The following SRGAP1 variants were observed in gnomAD, a reference collection of about 807,000 sequenced individuals.
SRGAP1 encodes the protein SLIT-ROBO Rho GTPase-activating protein 1.
A neutral mutation model predicts 121.9 loss-of-function variants in SRGAP1; 43 were observed. The observed-to-expected ratio is 0.35, with a 90% CI of 0.28 to 0.46. The LOEUF (loss-of-function observed/expected upper bound fraction) is 0.46, where lower values mean the gene tolerates loss of function less well. SRGAP1 is among the 20% of genes least tolerant of loss of function. The pLI is 1.00. For synonymous variants in SRGAP1, 447 were observed against 485.4 expected (o/e 0.92, Z 1.04); for missense variants, 1,102 against 1,350.9 (o/e 0.82, Z 2.89).
chr12:64,096,876 G>C (rs1436940994), intron 14 of SRGAP1, among the ~76,000 whole-genome samples: 1 of 152,102 alleles, frequency 6.6e-6, no homozygotes, highest in African/African-American at 2.4e-5. Flanking sequence ...TCCCAGTAGG[G>C]TAAGAAACAC....
chr12:64,073,270 GA>G (rs1262991855), intron 8 of SRGAP1, among the ~76,000 whole-genome samples: 5 of 151,872 alleles, frequency 3.3e-5, no homozygotes, highest in African/African-American at 1.2e-4. Flanking sequence ...TTCTGAGAAG[GA>G]ATTTGAAAAA....
At chr12:63,943,907 A>G (rs1280305174) in intron 1 of SRGAP1, among the ~76,000 whole-genome samples, 1 of 152,218 alleles carries the variant, frequency 6.6e-6, no homozygotes, top group Admixed American at 6.5e-5. Context: ...ACCTTCAGAA[A>G]ATCCAAGAAT....
intron 1 of SRGAP1, among the ~76,000 whole-genome samples, chr12:63,856,968 T>A (rs1217888572): frequency 6.6e-6 from 1 of 152,236 alleles, no homozygotes; most frequent in Non-Finnish European, 1.5e-5. Context: ...TGTGTAAAGT[T>A]TTATGCTTTT....
Position 63,871,914 on chromosome 12 carries a change from C to G in SRGAP1, c.67+27031C>G, listed in dbSNP as rs181994760. The G allele has an allele frequency of 2.1e-3, 2,956 of 1,413,946 alleles. 8 individuals carry two copies. The highest frequency in any genetic ancestry group is 2.4e-3 in the Non-Finnish European group (2,392 of 999,016). 87.6% of individuals were successfully genotyped at this position (1,413,946 alleles called of 1,614,324 possible). ...CCAGAAAATTGGCTTTGTCTGCCCA[C>G]CATAGCCACTCTGCTTCTGATCATA... On this transcript the variant is annotated intron_variant, in intron 1 of 21. Transcript: ENST00000355086.
At chr12:63,971,538 G>A (rs2032948052) in intron 1 of SRGAP1, among the ~76,000 whole-genome samples, 1 of 152,150 alleles carries the variant, frequency 6.6e-6, no homozygotes, top group Admixed American at 6.5e-5. Context: ...AGGACTAGAA[G>A]TATACTTTTA....
chr12:63,893,999 C>T (rs565001669), intron 1 of SRGAP1, among the ~76,000 whole-genome samples: 3 of 152,236 alleles, frequency 2.0e-5, no homozygotes, highest in Admixed American at 2.0e-4. Context: ...CCACCACACC[C>T]GGCTAATTTT....
rs2037146211 is a variant in SRGAP1 at position 64,154,164 on chromosome 12, T to C, written c.*11492T>C. The C allele has an allele frequency of 6.6e-6, 1 of 152,226 alleles. No individual in the cohort carries two copies. The highest frequency in any genetic ancestry group is 1.5e-5 in the Non-Finnish European group (1 of 68,044). The allele number at this position is 152,226 out of a possible 1,614,324, so 9.4% of individuals were successfully genotyped here. Reference sequence around the variant, plus strand: ...ATGAGGAAGAAAATGGAAATTGTTGTTCAGTGTTTACAGGGTTTCAGTTTT... The same window carrying C: ...ATGAGGAAGAAAATGGAAATTGTTGCTCAGTGTTTACAGGGTTTCAGTTTT... On this transcript the variant is annotated 3_prime_UTR_variant, in exon 22 of 22. Transcript: ENST00000355086.
At chr12:64,100,955 C>T (rs1186254523) in intron 15 of SRGAP1, among the ~76,000 whole-genome samples, 1 of 152,044 alleles carries the variant, frequency 6.6e-6, no homozygotes, top group Non-Finnish European at 1.5e-5. Context: ...TAATAGTCTA[C>T]AATGTATAAA....
intron 18 of SRGAP1, among the ~76,000 whole-genome samples, chr12:64,121,798 C>G (rs969521729): frequency 2.6e-5 from 4 of 151,578 alleles, no homozygotes; most frequent in Admixed American, 6.6e-5. Context: ...GCTGAGTGCT[C>G]TGTGTTTTAG....
At chr12:64,050,530 T>A (rs2035218474) in intron 6 of SRGAP1, among the ~76,000 whole-genome samples, 1 of 152,206 alleles carries the variant, frequency 6.6e-6, no homozygotes, top group South Asian at 2.1e-4. Flanking sequence ...ACCTGCTTTT[T>A]AAAATCAATA....
Position 64,151,635 on chromosome 12 carries a change from G to A in SRGAP1, c.*8963G>A, listed in dbSNP as rs532756665. ...GCCAGTAATGCATAACAGTACACGA[G>A]TATAAAACATGGTCATGTTTCTTTA... On this transcript the variant is annotated 3_prime_UTR_variant, in exon 22 of 22. Transcript: ENST00000355086. 23 of 152,260 alleles carry A rather than the reference G, an allele frequency of 1.5e-4. No individual in the cohort carries two copies. Among genetic ancestry groups the A allele is most frequent in the Admixed American group, 1.4e-3 (22 of 15,288 alleles). 9.4% of individuals were successfully genotyped at this position (152,260 alleles called of 1,614,324 possible).
At chr12:63,982,483 C>G (rs2033281703) in intron 1 of SRGAP1, 1 of 152,208 alleles carries the variant, frequency 6.6e-6, no homozygotes, top group African/African-American at 2.4e-5. Context: ...TCCTGACTCC[C>G]CATTCAGAAC....
Position 64,095,024 on chromosome 12 carries a change from T to A in SRGAP1, c.1600+32T>A, listed in dbSNP as rs540579422. 3.7e-6 allele frequency: 6 copies of A among 1,612,388 alleles called. No individual in the cohort carries two copies. The African/African-American group carries it at 6.7e-5, about 18-fold the overall frequency. Reference sequence around the variant, plus strand: ...CATAAACTACAGAATTCTTATTTTTTAAAAAATCACTTGAAGTGTTTCAGT... The same window carrying A: ...CATAAACTACAGAATTCTTATTTTTAAAAAAATCACTTGAAGTGTTTCAGT... On this transcript the variant is annotated intron_variant, in intron 13 of 21. Coordinates refer to ENST00000355086, the MANE Select transcript of SRGAP1 (RefSeq NM_020762.4).
chr12:64,000,251 T>C (rs2033838505), intron 3 of SRGAP1, among the ~76,000 whole-genome samples: 1 of 147,526 alleles, frequency 6.8e-6, no homozygotes, highest in Admixed American at 6.8e-5. Flanking sequence ...TGTGTGTGTG[T>C]GTGTGTGTGT....
chr12:63,919,996 A>T (rs550810015), intron 1 of SRGAP1, among the ~76,000 whole-genome samples: 1 of 152,148 alleles, frequency 6.6e-6, no homozygotes, highest in Non-Finnish European at 1.5e-5. Flanking sequence ...CATATACAGG[A>T]GTTTCTCCAT....
intron 1 of SRGAP1, among the ~76,000 whole-genome samples, chr12:63,874,496 C>T (rs751521928): frequency 2.6e-5 from 4 of 152,108 alleles, no homozygotes; most frequent in Non-Finnish European, 5.9e-5. Flanking sequence ...AGCAACCACG[C>T]CCGGCCGAAA....
intron 1 of SRGAP1, among the ~76,000 whole-genome samples, chr12:63,952,145 C>T (rs2032320240): frequency 6.6e-6 from 1 of 152,042 alleles, no homozygotes; most frequent in Non-Finnish European, 1.5e-5. Context: ...ACCCCCCTCC[C>T]CACTCTGCAC....
At chr12:63,993,561 G>C (rs2033614703) in intron 3 of SRGAP1, among the ~76,000 whole-genome samples, 2 of 152,290 alleles carry the variant, frequency 1.3e-5, no homozygotes, top group South Asian at 4.1e-4. Context: ...CCCCATGTCT[G>C]TATGGAGATC....
intron 21 of SRGAP1, among the ~76,000 whole-genome samples, chr12:64,131,287 C>T (rs1240642373): frequency 6.6e-6 from 1 of 152,210 alleles, no homozygotes. Context: ...CATCCACATA[C>T]CTCTTCCACA....
Sources: allele counts gnomAD v4.1 joint callset (sites outside exome capture counted in the v4.1 genomes callset), GRCh38; gene constraint gnomAD v4.1.1; transcripts MANE v1.5; gene names NCBI Gene and HGNC (gene_info 2026-07-23, HGNC 2026-07-21).